Variants in MBNL2 observed in about 807,000 individuals in gnomAD.
MBNL2 encodes the protein muscleblind-like protein 2.
Under a neutral mutation model 41.9 loss-of-function variants are expected in MBNL2, and 17 were observed. The observed-to-expected ratio is 0.41, with a 90% CI of 0.28 to 0.61. MBNL2 has a LOEUF of 0.61. MBNL2 is among the 20% of genes least tolerant of loss of function. The probability of loss-of-function intolerance (pLI) is 0.35; values close to 1 mark genes in which losing one functional copy is unlikely to be tolerated. For missense variants in MBNL2, 336 were observed against 505.6 expected (o/e 0.66, Z 3.22); for synonymous variants, 195 against 182.9 (o/e 1.07, Z -0.53).
At chr13:97,269,702 T>C (rs2050537946) in intron 1 of MBNL2, among the ~76,000 whole-genome samples, 1 of 152,146 alleles carries the variant, frequency 6.6e-6, no homozygotes, top group Admixed American at 6.5e-5. Context: ...TGGAAAAACC[T>C]CTCTGAGGCT....
chr13:97,239,558 A>C (rs769673986), intron 1 of MBNL2, among the ~76,000 whole-genome samples: 12 of 152,222 alleles, frequency 7.9e-5, no homozygotes, highest in Non-Finnish European at 1.3e-4. Flanking sequence ...GAACATATGC[A>C]TCTCTATGAA....
chr13:97,288,630 C>G (rs2055154975), intron 2 of MBNL2, among the ~76,000 whole-genome samples: 1 of 152,204 alleles, frequency 6.6e-6, no homozygotes, highest in African/African-American at 2.4e-5. Context: ...TGATGAACTT[C>G]ACCCATTTCA....
chr13:97,327,077 T>A (rs747676391), intron 2 of MBNL2, among the ~76,000 whole-genome samples: 13 of 152,200 alleles, frequency 8.5e-5, no homozygotes, highest in Admixed American at 4.6e-4. Flanking sequence ...GAACATCTGA[T>A]ACACCCAGTC....
intron 3 of MBNL2, 45 bp from the exon 4 acceptor site, chr13:97,342,948 ATTTGCTGGTAATTTTTTAAAGTT>A: frequency 1.0e-6 from 1 of 968,416 alleles, no homozygotes. Context: ...CTCAAATGAC[ATTTGCTGGTAATTTTTTAAAGTT>A]TTATTCTAAA....
the MBNL2 span, among the ~76,000 whole-genome samples, chr13:97,192,484 C>T: frequency 2.0e-5 from 3 of 152,158 alleles, no homozygotes; most frequent in South Asian, 4.1e-4. Context: ...AATTAATACT[C>T]CAAGGGTGAA....
the MBNL2 span, among the ~76,000 whole-genome samples, chr13:97,212,592 G>T: frequency 6.6e-6 from 1 of 152,170 alleles, no homozygotes; most frequent in African/African-American, 2.4e-5. Flanking sequence ...GCCTGCCTGG[G>T]GCAAATGGGC....
intron 2 of MBNL2, among the ~76,000 whole-genome samples, chr13:97,317,325 T>C (rs964582424): frequency 2.0e-5 from 3 of 152,138 alleles, no homozygotes; most frequent in African/African-American, 7.2e-5. Flanking sequence ...ATATCAATCC[T>C]GTAAAAATAG....
At chr13:97,380,519 C>A (rs924391318) in intron 8 of MBNL2, among the ~76,000 whole-genome samples, 1 of 151,382 alleles carries the variant, frequency 6.6e-6, no homozygotes, top group African/African-American at 2.4e-5. Flanking sequence ...CAAAAAAAAA[C>A]CACACCCACC....
the MBNL2 span, among the ~76,000 whole-genome samples, chr13:97,175,528 G>A: frequency 6.6e-6 from 1 of 152,190 alleles, no homozygotes; most frequent in Non-Finnish European, 1.5e-5. Context: ...TGAGATGGTG[G>A]CCAAATTGCT....
chr13:97,269,869 A>T (rs904202691), intron 1 of MBNL2, among the ~76,000 whole-genome samples: 1 of 152,204 alleles, frequency 6.6e-6, no homozygotes, highest in East Asian at 1.9e-4. Flanking sequence ...AATCCTGGTC[A>T]TCATATGGAA....
intron 7 of MBNL2, among the ~76,000 whole-genome samples, chr13:97,361,260 G>A (rs2063368898): frequency 6.6e-6 from 1 of 152,232 alleles, no homozygotes; most frequent in Non-Finnish European, 1.5e-5. Context: ...TGAAGTAGGA[G>A]AAATTTGCCT....
chr13:97,352,533 T>C (rs2062595366), intron 5 of MBNL2, among the ~76,000 whole-genome samples: 1 of 152,214 alleles, frequency 6.6e-6, no homozygotes, highest in Non-Finnish European at 1.5e-5. Context: ...GCATGGTTCA[T>C]GGTGCCCCAA....
chr13:97,276,159 A>G lies in MBNL2; in HGVS notation c.-77A>G, dbSNP rs1385523562. On this transcript the variant is annotated 5_prime_UTR_variant, in exon 2 of 9. Transcript: ENST00000679496. ...ACTTACATGTGGGAGTTTTCACAACAGTAGTTTTGGAATCATTAGAACTTG... is the reference window on the plus strand; with the variant it reads ...ACTTACATGTGGGAGTTTTCACAACGGTAGTTTTGGAATCATTAGAACTTG... 2.1e-5 allele frequency: 24 copies of G among 1,134,322 alleles called. No homozygotes were observed. The highest frequency in any genetic ancestry group is 3.0e-5 in the Non-Finnish European group (23 of 765,174). The allele number at this position is 1,134,322 out of a possible 1,614,324, so 70.3% of individuals were successfully genotyped here. A position where few individuals can be genotyped will look rare whatever the true frequency, so the allele number is the denominator to read the frequency against.
chr13:97,271,473 A>T (rs776049253), intron 1 of MBNL2, among the ~76,000 whole-genome samples: 4 of 151,614 alleles, frequency 2.6e-5, no homozygotes, highest in Non-Finnish European at 5.9e-5. Flanking sequence ...AAACAAAACA[A>T]AAAAAAACAG....
chr13:97,202,965 G>T, the MBNL2 span, among the ~76,000 whole-genome samples: 36 of 152,084 alleles, frequency 2.4e-4, no homozygotes, highest in Non-Finnish European at 4.4e-4. Flanking sequence ...ACTCCCCTTG[G>T]CTCCACTTCT....
chr13:97,292,533 A>C (rs1023810369), intron 2 of MBNL2, among the ~76,000 whole-genome samples: 1 of 152,216 alleles, frequency 6.6e-6, no homozygotes, highest in African/African-American at 2.4e-5. Flanking sequence ...TGCCATTTTA[A>C]ACAGAAAGTT....
chr13:97,188,966 G>A, the MBNL2 span, among the ~76,000 whole-genome samples: 13,926 of 152,078 alleles, frequency 0.092, 687 homozygotes, highest in South Asian at 0.16. Flanking sequence ...TTCTATTCCC[G>A]TTAACACCAT....
At chr13:97,209,917 T>G in the MBNL2 span, among the ~76,000 whole-genome samples, 1 of 152,318 alleles carries the variant, frequency 6.6e-6, no homozygotes, top group East Asian at 1.9e-4. Context: ...TGCCGCAGCC[T>G]CCCAAGTACC....
chr13:97,373,820 A>C (rs1418964209), intron 8 of MBNL2, among the ~76,000 whole-genome samples: 1 of 152,086 alleles, frequency 6.6e-6, no homozygotes, highest in Non-Finnish European at 1.5e-5. Context: ...ATGCATCTGC[A>C]GATTCTCTAA....
Sources: allele counts gnomAD v4.1 joint callset (sites outside exome capture counted in the v4.1 genomes callset), GRCh38; gene constraint gnomAD v4.1.1; transcripts MANE v1.5; gene names NCBI Gene and HGNC (gene_info 2026-07-23, HGNC 2026-07-21).